Variants in EMID1 observed in about 807,000 individuals in gnomAD.
EMID1 encodes the protein EMI domain-containing protein 1.
EMID1 carries 40 observed loss-of-function variants against 60.6 expected under a neutral mutation model. The ratio of observed to expected loss-of-function variants is 0.66; its 90% CI spans 0.51 to 0.86. The LOEUF (loss-of-function observed/expected upper bound fraction) is 0.86, where lower values mean the gene tolerates loss of function less well. EMID1 is among the 40% of genes least tolerant of loss of function. The probability of loss-of-function intolerance (pLI) is 0.00; values close to 1 mark genes in which losing one functional copy is unlikely to be tolerated. For missense variants in EMID1, 585 were observed against 597.1 expected, an observed-to-expected ratio of 0.98 and a Z score of 0.21; for synonymous variants, 242 against 231.0, an observed-to-expected ratio of 1.05 and a Z score of -0.43.
At position 29,215,509 on chromosome 22, in the gene EMID1, A is replaced by G. The variant is rs775258266; in HGVS notation, c.216-18A>G. The G allele has an allele frequency of 6.2e-7, 1 of 1,611,744 alleles. No homozygotes were observed. The highest frequency in any genetic ancestry group is 8.5e-7 in the Non-Finnish European group (1 of 1,177,954). ...TGGAGGACCCTGTCTCAGCTGGGCC[A>G]CCTGGGGACTCTTTCAGCTACAGAA... On this transcript the variant is annotated intron_variant, in intron 2 of 14. Coordinates refer to ENST00000334018, the MANE Select transcript of EMID1 (RefSeq NM_133455.4).
chr22:29,224,923 AG>A (rs1276651930), intron 3 of EMID1, among the ~76,000 whole-genome samples: 3 of 152,158 alleles, frequency 2.0e-5, no homozygotes, highest in Non-Finnish European at 4.4e-5. Context: ...CCCCATTGCC[AG>A]CCCCTCTTTC....
At position 29,231,462 on chromosome 22, in the gene EMID1, G is replaced by C. The variant is rs552969062; in HGVS notation, c.587-131G>C. ...TGCCTACCCCCCCCACCCCAGGGCT[G>C]CCAGGAGCCATAGAGAGTGTGAGGG... On this transcript the variant is annotated intron_variant, in intron 6 of 14. Coordinates refer to ENST00000334018, the MANE Select transcript of EMID1 (RefSeq NM_133455.4). 2,841 of 1,005,972 alleles carry C rather than the reference G, an allele frequency of 2.8e-3. 84 individuals carry two copies. The South Asian group carries it at 0.038, about 13-fold the overall frequency. 62.3% of individuals were successfully genotyped at this position (1,005,972 alleles called of 1,614,324 possible). A position where few individuals can be genotyped will look rare whatever the true frequency, so the allele number is the denominator to read the frequency against.
chr22:29,219,523 T>G (rs1313995934), intron 3 of EMID1, among the ~76,000 whole-genome samples: 1 of 152,128 alleles, frequency 6.6e-6, no homozygotes, highest in Non-Finnish European at 1.5e-5. Flanking sequence ...CTCACACCTG[T>G]AATCCAAGCA....
chr22:29,239,166 A>G lies in EMID1; in HGVS notation c.1075-4279A>G, dbSNP rs888077466. Among the ~76,000 whole-genome samples, 4 of 144,360 alleles carry G rather than the reference A, an allele frequency of 2.8e-5. 1 individual carries two copies. The highest frequency in any genetic ancestry group is 6.0e-5 in the Non-Finnish European group (4 of 67,080). 94.7% of individuals were successfully genotyped at this position (144,360 alleles called of 152,430 possible). The stretch of plus-strand genomic sequence containing the variant: ...CATTGTCATATCATCAGGCTTAGAG[A>G]TTCTTTCCTCAGCCATGTCCAGTCC... On this transcript the variant is annotated intron_variant, in intron 12 of 14. Transcript: ENST00000334018.
chr22:29,243,188 G>A (rs2041213714), intron 12 of EMID1, among the ~76,000 whole-genome samples: 1 of 152,144 alleles, frequency 6.6e-6, no homozygotes, highest in South Asian at 2.1e-4. Flanking sequence ...ACCCTCTGAG[G>A]AAAAGCTGTA....
At chr22:29,221,239 G>GT (rs2040286802) in intron 3 of EMID1, among the ~76,000 whole-genome samples, 1 of 108,484 alleles carries the variant, frequency 9.2e-6, no homozygotes, top group African/African-American at 2.6e-5. Context: ...AGAGGACAAG[G>GT]TTGAGGCTAG....
Position 29,233,596 on chromosome 22 carries a change from C to T in EMID1, c.914-18C>T, listed in dbSNP as rs994219276. 9.9e-6 allele frequency: 16 copies of T among 1,612,910 alleles called. No individual in the cohort carries two copies. The highest frequency in any genetic ancestry group is 1.7e-5 in the Admixed American group (1 of 59,966). On this transcript the variant is annotated intron_variant, in intron 9 of 14. Coordinates refer to ENST00000334018, the MANE Select transcript of EMID1 (RefSeq NM_133455.4). ...TTGTACTTTGTTCCGGCCCTTAGGA[C>T]ATCCTGTCTTTTTCCAGGTCCCCCT...
At chr22:29,253,355 G>T (rs549944572) in intron 13 of EMID1, among the ~76,000 whole-genome samples, 30 of 152,320 alleles carry the variant, frequency 2.0e-4, no homozygotes, top group African/African-American at 7.2e-4. Context: ...GACCGAGGCG[G>T]GCAGATCACC....
chr22:29,225,109 G>T (rs1440289928), intron 3 of EMID1, 24 bp from the exon 4 acceptor site: 2 of 1,612,468 alleles, frequency 1.2e-6, no homozygotes, highest in African/African-American at 2.7e-5. Flanking sequence ...CATGCCAGCA[G>T]GGCTCTCACC....
chr22:29,231,925 G>T (rs1406910320), intron 7 of EMID1: 3 of 567,848 alleles, frequency 5.3e-6, no homozygotes, highest in Non-Finnish European at 9.3e-6. Context: ...ACTGGGTGGG[G>T]TCAGACATGT....
intron 5 of EMID1, among the ~76,000 whole-genome samples, chr22:29,228,466 A>C (rs1411926083): frequency 6.6e-6 from 1 of 152,256 alleles, no homozygotes; most frequent in African/African-American, 2.4e-5. Context: ...AAAGAATGCA[A>C]CTGTCGACAC....
intron 10 of EMID1, chr22:29,233,928 TG>T: frequency 1.5e-6 from 1 of 668,108 alleles, no homozygotes; most frequent in Non-Finnish European, 2.5e-6. Context: ...TGCCAGCACA[TG>T]GCAATGAGCT....
chr22:29,229,736 G>C (rs143092507), intron 5 of EMID1, among the ~76,000 whole-genome samples: 34 of 152,034 alleles, frequency 2.2e-4, no homozygotes, highest in African/African-American at 7.5e-4. Context: ...TACAAGGCAC[G>C]GGGTTCCAGG....
chr22:29,227,662 G>A (rs1450438311), intron 5 of EMID1, among the ~76,000 whole-genome samples: 4 of 139,108 alleles, frequency 2.9e-5, no homozygotes, highest in South Asian at 4.6e-4. Context: ...CCAAGATTGC[G>A]CCACTGTATT....
intron 14 of EMID1, among the ~76,000 whole-genome samples, chr22:29,257,357 C>T (rs1169635177): frequency 6.6e-6 from 1 of 152,182 alleles, no homozygotes; most frequent in East Asian, 1.9e-4. Flanking sequence ...GTGTCTGGCC[C>T]ACCTGGGCTG....
intron 8 of EMID1, chr22:29,233,089 A>C: frequency 2.2e-6 from 1 of 458,342 alleles, no homozygotes; most frequent in South Asian, 3.1e-5. Context: ...GGTATCTTTT[A>C]TTGTCATTCC....
Position 29,226,523 on chromosome 22 carries a change from C to G in EMID1, c.437C>G (p.Thr146Arg). 1.1e-5 allele frequency: 18 copies of G among 1,611,902 alleles called. No individual in the cohort carries two copies. The highest frequency in any genetic ancestry group is 1.5e-5 in the Non-Finnish European group (18 of 1,179,008). The change falls in exon 5 of 15, where the codon ACA (threonine) becomes AGA (arginine). Residue 146 changes from threonine to arginine, a missense_variant. Physicochemically the swap from Thr to Arg is moderately conservative, Grantham distance 71. Coordinates refer to ENST00000334018, the MANE Select transcript of EMID1 (RefSeq NM_133455.4). ...AACTGCAGCAAAGTGTCAGAGCTGA[C>G]AGAGCGGCTGAAGGTGCTGGAGGCC... The part of the protein sequence containing the change: ...CLNCSKVSEL[T>R]ERLKVLEAKM...
chr22:29,240,689 T>C (rs1374910779), intron 12 of EMID1, among the ~76,000 whole-genome samples: 2 of 152,224 alleles, frequency 1.3e-5, no homozygotes, highest in Admixed American at 6.5e-5. Context: ...CTGTAAATCA[T>C]GCGCTTGACG....
intron 13 of EMID1, 84 bp from the exon 14 acceptor site, chr22:29,254,119 G>T: frequency 1.2e-6 from 2 of 1,600,590 alleles, no homozygotes; most frequent in Non-Finnish European, 1.7e-6. Context: ...TGCATGTCCC[G>T]GGTGGGGCAT....
Sources: allele counts gnomAD v4.1 joint callset (sites outside exome capture counted in the v4.1 genomes callset), GRCh38; gene constraint gnomAD v4.1.1; transcripts MANE v1.5; gene names NCBI Gene and HGNC (gene_info 2026-07-23, HGNC 2026-07-21).